The following CEACAM16 variants were observed in gnomAD, a reference collection of about 807,000 sequenced individuals.
CEACAM16 encodes cell adhesion molecule CEACAM16.
Under a neutral mutation model 39.4 loss-of-function variants are expected in CEACAM16, and 30 were observed. The ratio of observed to expected loss-of-function variants is 0.76; its 90% CI spans 0.57 to 1.03. The LOEUF (loss-of-function observed/expected upper bound fraction) is 1.03. Ranked by LOEUF, CEACAM16 falls within the 50% of genes least tolerant of loss-of-function variation. CEACAM16 has a pLI of 0.00. For missense variants in CEACAM16, 521 were observed against 585.3 expected, an observed-to-expected ratio of 0.89 and a Z score of 1.13; for synonymous variants, 262 against 264.9, an observed-to-expected ratio of 0.99 and a Z score of 0.11.
Position 44,703,556 on chromosome 19 carries a change from CG to C in CEACAM16, c.249del (p.Arg84GlyfsTer134). ...GATGAGACTCCTGGCCCGGCCCACA[CG>C]GGGCGGGAGGCTGTGCGCCCCGATG... ...TGDETPGPAH[T>X]GREAVRPDGS... On this transcript the variant is annotated frameshift_variant, in exon 3 of 7. Coordinates refer to ENST00000587331, the MANE Select transcript of CEACAM16 (RefSeq NM_001039213.4). LOFTEE classifies it high-confidence loss of function. The C allele has an allele frequency of 6.2e-7, 1 of 1,612,520 alleles. No homozygotes were observed. Among genetic ancestry groups the C allele is most frequent in the South Asian group, 1.1e-5 (1 of 90,974 alleles).
intron 5 of CEACAM16, among the ~76,000 whole-genome samples, chr19:44,706,311 C>CACACACACA (rs1281348741): frequency 1.0e-4 from 15 of 146,132 alleles, no homozygotes; most frequent in African/African-American, 3.9e-4. Flanking sequence ...CACACACACA[C>CACACACACA]AACTGAAGAA....
At chr19:44,705,973 T>G (rs979869631) in intron 5 of CEACAM16, 105 bp downstream of exon 5, 13 of 1,322,670 alleles carry the variant, frequency 9.8e-6, no homozygotes, top group Non-Finnish European at 1.4e-5. Context: ...ACATGGTAGA[T>G]TCACAGTTCA....
At chr19:44,700,137 C>T (rs971211884) in intron 1 of CEACAM16, among the ~76,000 whole-genome samples, 1 of 152,228 alleles carries the variant, frequency 6.6e-6, no homozygotes, top group Admixed American at 6.5e-5. Context: ...TCTCGAGTAG[C>T]TGGGACTACA....
At chr19:44,703,722 C>T (rs1974391378) in intron 3 of CEACAM16, 29 bp downstream of exon 3, 2 of 1,436,756 alleles carry the variant, frequency 1.4e-6, no homozygotes, top group East Asian at 2.5e-5. Context: ...CCCGCCTCTG[C>T]CCCAGCTGGG....
At position 44,703,684 on chromosome 19, in the gene CEACAM16, C is replaced by T. The variant is rs1476158892; in HGVS notation, c.373C>T (p.Gln125Ter). ...GACCGAGGTGGGCTACGGACACGTG[C>T]AGGTCCATGGTGAGACACCCCCCAA... ...LQTEVGYGHV[Q>*]VHEILAQPTV... is the part of the protein sequence containing the mutation. The change falls in exon 3 of 7, where the codon CAG (glutamine) becomes TAG (stop). Residue 125 changes from glutamine (Q) to a stop codon, truncating the protein, a stop_gained. Coordinates refer to ENST00000587331, the MANE Select transcript of CEACAM16 (RefSeq NM_001039213.4). LOFTEE classifies it high-confidence loss of function. 4 of 1,536,042 alleles carry T rather than the reference C, an allele frequency of 2.6e-6. No individual in the cohort carries two copies. The highest frequency in any genetic ancestry group is 3.5e-6 in the Non-Finnish European group (4 of 1,135,554).
Position 44,701,692 on chromosome 19 carries a change from G to T in CEACAM16, c.37+199G>T, listed in dbSNP as rs1313656671. ...AGGCTGGGGACAGCCACCCAGAGAG[G>T]TTTTCAGGGTGGGCTTTGGAGATTT... On this transcript the variant is annotated intron_variant, in intron 2 of 6. Coordinates refer to ENST00000587331, the MANE Select transcript of CEACAM16 (RefSeq NM_001039213.4). This position sits in a 1 kb window ranked among gnomAD's most constrained non-coding sequence, Gnocchi z 4.0. Among the ~76,000 whole-genome samples the T allele has an allele frequency of 2.0e-5, 3 of 152,218 alleles. No homozygotes were observed. Among genetic ancestry groups the T allele is most frequent in the Non-Finnish European group, 4.4e-5 (3 of 68,048 alleles).
Position 44,707,867 on chromosome 19 carries a change from C to T in CEACAM16, c.947C>T (p.Ala316Val), listed in dbSNP as rs368303230. 1.3e-6 allele frequency: 2 copies of T among 1,541,548 alleles called. No individual in the cohort carries two copies. Among genetic ancestry groups the T allele is most frequent in the Non-Finnish European group, 1.8e-6 (2 of 1,136,478 alleles). The part of the protein sequence containing the change: ...ASVVVKLSAA[A>V]VATMIVPVPT... ...CCGCTCGCTCTCTCCCCAGCTGCAGCAGTTGCCACGATGATCGTGCCCGTG... is the reference window on the plus strand; with the variant it reads ...CCGCTCGCTCTCTCCCCAGCTGCAGTAGTTGCCACGATGATCGTGCCCGTG... The change falls in exon 6 of 7, where the codon GCA becomes GTA. Residue 316 changes from alanine to valine, a missense_variant. Coordinates refer to ENST00000587331, the MANE Select transcript of CEACAM16 (RefSeq NM_001039213.4).
rs1216365726 is a variant in CEACAM16 at position 44,703,702 on chromosome 19, C to G, written c.382+9C>G. 6.8e-7 allele frequency: 1 copy of G among 1,479,916 alleles called. No homozygotes were observed. Among genetic ancestry groups the G allele is most frequent in the Admixed American group, 2.3e-5 (1 of 44,046 alleles). 91.7% of individuals were successfully genotyped at this position (1,479,916 alleles called of 1,614,324 possible). On this transcript the variant is annotated intron_variant, in intron 3 of 6. Coordinates refer to ENST00000587331, the MANE Select transcript of CEACAM16 (RefSeq NM_001039213.4). The stretch of plus-strand genomic sequence containing the variant: ...ACACGTGCAGGTCCATGGTGAGACA[C>G]CCCCCAACACCCGCCTCTGCCCCAG...
At chr19:44,705,251 T>C (rs1164925697) in intron 4 of CEACAM16, among the ~76,000 whole-genome samples, 1 of 152,034 alleles carries the variant, frequency 6.6e-6, no homozygotes, top group Admixed American at 6.6e-5. Flanking sequence ...GCACCAATTC[T>C]TGAAGCCCTA....
intron 3 of CEACAM16, 148 bp downstream of exon 3, chr19:44,703,841 C>T (rs1395374100): frequency 3.0e-6 from 3 of 994,386 alleles, no homozygotes; most frequent in Non-Finnish European, 4.3e-6. Context: ...TCAAAATGCT[C>T]ACCTCCTTCA....
chr19:44,710,580 A>C lies in CEACAM16; in HGVS notation c.*74A>C. ...TCTGGTCCTCGCCCTCTGAGTGGGA[A>C]CCACTCCCCCACAGCGAGGATGCCA... On this transcript the variant is annotated 3_prime_UTR_variant, in exon 7 of 7. Transcript: ENST00000587331. 3.2e-6 allele frequency: 5 copies of C among 1,573,274 alleles called. No homozygotes were observed. Among genetic ancestry groups the C allele is most frequent in the African/African-American group, 2.7e-5 (2 of 74,282 alleles).
chr19:44,709,962 T>A (rs1451158012), intron 6 of CEACAM16, among the ~76,000 whole-genome samples: 1 of 152,058 alleles, frequency 6.6e-6, no homozygotes, highest in East Asian at 1.9e-4. Context: ...TGACTGAGCA[T>A]CCCCAGAGGT....
At chr19:44,706,114 C>T (rs1974443194) in intron 5 of CEACAM16, among the ~76,000 whole-genome samples, 1 of 152,126 alleles carries the variant, frequency 6.6e-6, no homozygotes, top group Non-Finnish European at 1.5e-5. Context: ...TGGAAAATCA[C>T]TCAGATATCA....
At chr19:44,708,971 A>G (rs970956513) in intron 6 of CEACAM16, among the ~76,000 whole-genome samples, 1 of 150,904 alleles carries the variant, frequency 6.6e-6, no homozygotes, top group Admixed American at 6.6e-5. Flanking sequence ...GATGTTGGGA[A>G]CCGTGTCTCC....
chr19:44,707,480 A>G (rs1974467016), intron 5 of CEACAM16, among the ~76,000 whole-genome samples: 1 of 151,888 alleles, frequency 6.6e-6, no homozygotes, highest in Non-Finnish European at 1.5e-5. Context: ...ACAAGTCCCA[A>G]CCATCTCATG....
intron 1 of CEACAM16, chr19:44,699,598 A>G (rs536348340): frequency 1.8e-4 from 67 of 365,780 alleles, no homozygotes; most frequent in Non-Finnish European, 3.4e-4. Context: ...GCTGGTCTTG[A>G]ACTCCTGACC....
rs535370616 is a variant in CEACAM16 at position 44,703,548 on chromosome 19, G to A, written c.237G>A (p.Pro79=). ...IVSTGDETPG[P]AHTGREAVRP... ...GCACAGGCGATGAGACTCCTGGCCC[G>A]GCCCACACGGGGCGGGAGGCTGTGC... Residue 79 remains proline (P), a synonymous_variant, in exon 3 of 7, where the codon CCG becomes CCA. Transcript: ENST00000587331. 3.3e-5 allele frequency: 54 copies of A among 1,612,904 alleles called. No individual in the cohort carries two copies. The highest frequency in any genetic ancestry group is 2.1e-4 in the African/African-American group (16 of 74,944).
At chr19:44,699,328 G>A (rs1184710824) in intron 1 of CEACAM16, 68 bp downstream of exon 1, 1 of 528,962 alleles carries the variant, frequency 1.9e-6, no homozygotes, top group African/African-American at 1.9e-5. Context: ...GAGTACTATT[G>A]TTTTCCCTAT....
At chr19:44,709,599 T>C (rs1419209425) in intron 6 of CEACAM16, among the ~76,000 whole-genome samples, 1 of 123,982 alleles carries the variant, frequency 8.1e-6, no homozygotes, top group Non-Finnish European at 1.7e-5. Context: ...AGAGGCATGG[T>C]CCATGTCTCC....
Sources: allele counts gnomAD v4.1 joint callset (sites outside exome capture counted in the v4.1 genomes callset), GRCh38; gene constraint gnomAD v4.1.1; non-coding constraint Gnocchi (gnomAD v3.1); transcripts MANE v1.5; gene names NCBI Gene and HGNC (gene_info 2026-07-23, HGNC 2026-07-21).